The following RDH16 variants were observed in gnomAD, a reference collection of about 807,000 sequenced individuals.
RDH16 encodes human epidermal retinol dehydrogenase.
RDH16 carries 25 observed loss-of-function variants against 22.3 expected under a neutral mutation model. That is an observed-to-expected ratio of 1.12 (90% CI 0.82 to 1.56). RDH16 has a LOEUF of 1.56. Among genes scored for constraint, RDH16 ranks in the 40% most tolerant of loss-of-function variants. The pLI is 0.00. For synonymous variants in RDH16, 154 were observed against 164.4 expected, an observed-to-expected ratio of 0.94 and a Z score of 0.48; for missense variants, 413 against 394.9, an observed-to-expected ratio of 1.05 and a Z score of -0.39.
rs1955893122 is a variant in RDH16, at chr12:56,952,742, C to T, written c.736+85G>A. ...GGGAAGGGAGAGCCTGGGGATCAAA[C>T]TCTAATGCCCTTCAGACACCAATGG... On this transcript the variant is annotated intron_variant, in intron 3 of 3. Transcript: ENST00000398138. 3.7e-5 allele frequency: 55 copies of T among 1,496,846 alleles called. No individual in the cohort carries two copies. The South Asian group carries it at 4.2e-4, about 11-fold the overall frequency. The allele number at this position is 1,496,846 out of a possible 1,614,324, so 92.7% of individuals were successfully genotyped here.
chr12:56,951,708 C>T lies in RDH16; in HGVS notation c.*321G>A, dbSNP rs1420261403. On this transcript the variant is annotated 3_prime_UTR_variant, in exon 4 of 4. Coordinates refer to ENST00000398138, the MANE Select transcript of RDH16 (RefSeq NM_003708.5). The stretch of plus-strand genomic sequence containing the variant: ...ATGGCATGGGCTGAGGCTCCTTCCA[C>T]CTGCTCACACCCACCCCAGTTGTTA... The T allele has an allele frequency of 5.5e-6, 2 of 366,476 alleles. No homozygotes were observed. The highest frequency in any genetic ancestry group is 2.0e-5 in the African/African-American group (1 of 49,208). 22.7% of individuals were successfully genotyped at this position (366,476 alleles called of 1,614,324 possible).
At position 56,952,047 on chromosome 12, in the gene RDH16, G is replaced by A. The variant is rs370686968; in HGVS notation, c.936C>T (p.Ser312=). The A allele has an allele frequency of 1.2e-5, 19 of 1,613,912 alleles. No individual in the cohort carries two copies. The highest frequency in any genetic ancestry group is 1.2e-5 in the Non-Finnish European group (14 of 1,179,960). ...VDAIMYWVSP[S]PAKAL is the part of the protein sequence containing the mutation. ...CTTAGCTTCATAGAGCCTTGGCCGG[G>A]CTTGGAGAGACCCAGTACATAATGG... Residue 312 remains serine (S), a synonymous_variant, in exon 4 of 4, where the codon AGC becomes AGT. Coordinates refer to ENST00000398138, the MANE Select transcript of RDH16 (RefSeq NM_003708.5).
intron 3 of RDH16, 103 bp downstream of exon 3, chr12:56,952,724 G>A (rs1955892991): frequency 6.5e-6 from 9 of 1,391,712 alleles, no homozygotes; most frequent in Admixed American, 2.2e-5. Context: ...GTGGGGAAGG[G>A]AGAGCCTGGG....
chr12:56,954,528 T>C (rs1955909222), intron 2 of RDH16, among the ~76,000 whole-genome samples: 1 of 152,174 alleles, frequency 6.6e-6, no homozygotes, highest in Non-Finnish European at 1.5e-5. Flanking sequence ...CTGGGATTAG[T>C]CATTGATACA....
At chr12:56,952,273 T>C in intron 3 of RDH16, 27 bp from the exon 4 acceptor site, 1 of 1,604,934 alleles carries the variant, frequency 6.2e-7, no homozygotes, top group Non-Finnish European at 8.5e-7. Flanking sequence ...ACAATCCATG[T>C]ATATTTCCAC....
intron 1 of RDH16, among the ~76,000 whole-genome samples, chr12:56,956,846 A>C (rs1006051051): frequency 2.0e-5 from 3 of 152,128 alleles, no homozygotes; most frequent in African/African-American, 7.2e-5. Context: ...TCTCTAACCC[A>C]GGCTCTTAGC....
chr12:56,951,917 T>C lies in RDH16; in HGVS notation c.*112A>G. On this transcript the variant is annotated 3_prime_UTR_variant, in exon 4 of 4. Transcript: ENST00000398138. ...CAGGAGGTAATGAAGGAGGTGGGATTGGTGCCCTACTGACCGGACGGCTCC... is the reference window on the plus strand; with the variant it reads ...CAGGAGGTAATGAAGGAGGTGGGATCGGTGCCCTACTGACCGGACGGCTCC... The C allele has an allele frequency of 1.3e-6, 1 of 770,316 alleles. No individual in the cohort carries two copies. Among genetic ancestry groups the C allele is most frequent in the Non-Finnish European group, 2.2e-6 (1 of 461,416 alleles). 47.7% of individuals were successfully genotyped at this position (770,316 alleles called of 1,614,324 possible). A position where few individuals can be genotyped will look rare whatever the true frequency, so the allele number is the denominator to read the frequency against.
intron 2 of RDH16, 141 bp downstream of exon 2, chr12:56,954,765 G>T: frequency 1.1e-6 from 1 of 912,528 alleles, no homozygotes. Context: ...GAAAGAGGAA[G>T]ATGAGGGTGT....
chr12:56,955,064 C>T lies in RDH16; in HGVS notation c.414G>A (p.Leu138=), dbSNP rs2136380745. The change falls in exon 2 of 4, where the codon TTG becomes TTA. Residue 138 remains leucine (L), a synonymous_variant. Coordinates refer to ENST00000398138, the MANE Select transcript of RDH16 (RefSeq NM_003708.5). Reference sequence around the variant, plus strand: ...TCAGAGTCACATCAATCACCCCCAACAAGTTCACGTCCAGTATGGTCACGA... The same window carrying T: ...TCAGAGTCACATCAATCACCCCCAATAAGTTCACGTCCAGTATGGTCACGA... The part of the protein sequence containing the change: ...QDFVTILDVN[L]LGVIDVTLSL... 6.2e-7 allele frequency: 1 copy of T among 1,614,174 alleles called. No homozygotes were observed. The highest frequency in any genetic ancestry group is 1.1e-5 in the South Asian group (1 of 91,078).
chr12:56,954,529 C>A (rs1955909248), intron 2 of RDH16, among the ~76,000 whole-genome samples: 1 of 152,180 alleles, frequency 6.6e-6, no homozygotes, highest in African/African-American at 2.4e-5. Context: ...TGGGATTAGT[C>A]ATTGATACAC....
At chr12:56,954,196 T>G (rs570130280) in intron 2 of RDH16, among the ~76,000 whole-genome samples, 2 of 152,274 alleles carry the variant, frequency 1.3e-5, no homozygotes, top group African/African-American at 4.8e-5. Flanking sequence ...TCTGACTCAG[T>G]GAGTGCTCTT....
chr12:56,955,182 T>A lies in RDH16; in HGVS notation c.314-18A>T. 1 of 1,613,514 alleles carries A rather than the reference T, an allele frequency of 6.2e-7. No individual in the cohort carries two copies. Among genetic ancestry groups the A allele is most frequent in the Non-Finnish European group, 8.5e-7 (1 of 1,179,822 alleles). On this transcript the variant is annotated intron_variant, in intron 1 of 3. Coordinates refer to ENST00000398138, the MANE Select transcript of RDH16 (RefSeq NM_003708.5). Reference sequence around the variant, plus strand: ...CCAGAGTCCTGGGACAGTGGGAAGATGAGAGAGCATCACTGTGTTGTGCCT... The same window carrying A: ...CCAGAGTCCTGGGACAGTGGGAAGAAGAGAGAGCATCACTGTGTTGTGCCT...
intron 3 of RDH16, 28 bp downstream of exon 3, chr12:56,952,799 C>A: frequency 1.3e-6 from 2 of 1,599,112 alleles, no homozygotes; most frequent in Non-Finnish European, 1.7e-6. Flanking sequence ...GGGTTTGCTT[C>A]TCTCCCCACT....
chr12:56,952,375 ATC>A (rs1955889540), intron 3 of RDH16, 129 bp from the exon 4 acceptor site: 1 of 812,866 alleles, frequency 1.2e-6, no homozygotes, highest in Non-Finnish European at 1.9e-6. Context: ...AATGCCTCAA[ATC>A]TCTTTTATCC....
chr12:56,957,022 A>C (rs1197393299), intron 1 of RDH16, 128 bp downstream of exon 1: 2 of 948,934 alleles, frequency 2.1e-6, no homozygotes, highest in African/African-American at 1.6e-5. Context: ...TTAAGTGAGA[A>C]ATATTAGAAA....
In RDH16 at chr12:56,957,371, T is replaced by C. The variant is rs761712647; in HGVS notation, c.92A>G (p.Tyr31Cys). The C allele has an allele frequency of 1.2e-6, 2 of 1,614,098 alleles. No individual in the cohort carries two copies. Among genetic ancestry groups the C allele is most frequent in the Non-Finnish European group, 1.7e-6 (2 of 1,180,024 alleles). The change falls in exon 1 of 4, where the codon TAT becomes TGT. Residue 31 changes from tyrosine (Y) to cysteine (C), a missense_variant. Physicochemically the swap from Tyr to Cys is radical, Grantham distance 194. Coordinates refer to ENST00000398138, the MANE Select transcript of RDH16 (RefSeq NM_003708.5). ...RQVLSHLRDK[Y>C]VFITGCDSGF... ...AGAGTCACAGCCCGTGATGAACACA[T>C]ACTTATCTCTCAGGTGGCTCAGCAC...
chr12:56,953,053 T>C, intron 2 of RDH16, 63 bp from the exon 3 acceptor site: 4 of 1,437,708 alleles, frequency 2.8e-6, no homozygotes, highest in Non-Finnish European at 3.8e-6. Context: ...ACACAAACAA[T>C]AAAAGTAAAA....
In RDH16 at chr12:56,955,137, C is replaced by T. The variant is rs373743478; in HGVS notation, c.341G>A (p.Gly114Asp). The stretch of plus-strand genomic sequence containing the variant: ...ATTGGGAGCCGTGGGCAAGGAGATG[C>T]CAGCATTATTCACCAGGCCCCAGAG... ...KGLWGLVNNA[G>D]ISLPTAPNEL... The change falls in exon 2 of 4, where the codon GGC becomes GAC. Residue 114 changes from glycine to aspartate, a missense_variant. Coordinates refer to ENST00000398138, the MANE Select transcript of RDH16 (RefSeq NM_003708.5). The T allele has an allele frequency of 6.2e-6, 10 of 1,613,976 alleles. No homozygotes were observed. In the African/African-American group the frequency reaches 9.3e-5, roughly 15 times the overall value.
At chr12:56,953,710 C>T (rs1427872899) in intron 2 of RDH16, among the ~76,000 whole-genome samples, 1 of 152,176 alleles carries the variant, frequency 6.6e-6, no homozygotes, top group African/African-American at 2.4e-5. Context: ...ATCTAGGAGC[C>T]TTTCCCAGTC....
Sources: gnomAD v4.1 joint callset for allele counts (sites outside exome capture counted in the v4.1 genomes callset) on GRCh38, gnomAD v4.1.1 for gene constraint, MANE v1.5 for transcripts, NCBI Gene and HGNC (gene_info 2026-07-23, HGNC 2026-07-21) for gene names.